The following DDC variants were observed in gnomAD, a reference collection of about 807,000 sequenced individuals.
The protein encoded by DDC is aromatic-L-amino-acid decarboxylase.
In DDC, 43 loss-of-function variants were observed where a neutral mutation model predicts 60.0. The observed-to-expected ratio is 0.72, with a 90% confidence interval of 0.56 to 0.92. The LOEUF (loss-of-function observed/expected upper bound fraction) is 0.92. Ranked by LOEUF, DDC falls within the 40% of genes least tolerant of loss-of-function variation. The pLI, the probability that DDC is intolerant of heterozygous loss-of-function variation, is 0.00. For synonymous variants in DDC, 232 were observed against 234.6 expected (o/e 0.99, Z 0.10); for missense variants, 573 against 620.2 (o/e 0.92, Z 0.81).
At chr7:50,473,147 G>T (rs1027892979) in intron 11 of DDC, among the ~76,000 whole-genome samples, 1 of 152,174 alleles carries the variant, frequency 6.6e-6, no homozygotes, top group Admixed American at 6.5e-5. Flanking sequence ...AGAAGATGCC[G>T]GGAAATACGG....
At chr7:50,555,782 A>C (rs1360073430) in intron 1 of DDC, among the ~76,000 whole-genome samples, 1 of 152,194 alleles carries the variant, frequency 6.6e-6, no homozygotes, top group East Asian at 1.9e-4. Context: ...CGAGGCGCAG[A>C]GAGGCTGCAC....
chr7:50,476,407 G>C (rs1426374191), intron 11 of DDC, among the ~76,000 whole-genome samples: 1 of 152,226 alleles, frequency 6.6e-6, no homozygotes, highest in Non-Finnish European at 1.5e-5. Flanking sequence ...CCAGGGTCCA[G>C]GTTTCCCCCT....
chr7:50,539,756 C>A, intron 3 of DDC, 159 bp downstream of exon 3: 1 of 652,972 alleles, frequency 1.5e-6, no homozygotes, highest in Non-Finnish European at 2.8e-6. Flanking sequence ...CAGAGGCACT[C>A]TCTCTGGGCT....
intron 4 of DDC, chr7:50,532,026 C>A (rs1278339272): frequency 6.6e-6 from 1 of 152,218 alleles, no homozygotes; most frequent in African/African-American, 2.4e-5. Context: ...AGACCATTTT[C>A]CCAGACCACA....
chr7:50,461,023 G>A (rs1234853376), intron 14 of DDC, among the ~76,000 whole-genome samples: 5 of 148,302 alleles, frequency 3.4e-5, no homozygotes, highest in Non-Finnish European at 7.4e-5. Context: ...CCCCCTCTGT[G>A]AGAAACACCC....
intron 9 of DDC, among the ~76,000 whole-genome samples, chr7:50,483,929 G>A (rs997037848): frequency 6.6e-6 from 1 of 151,514 alleles, no homozygotes; most frequent in African/African-American, 2.4e-5. Flanking sequence ...ATAATAATTT[G>A]GGTATTTCTG....
chr7:50,562,171 G>A (rs542639057), intron 1 of DDC, among the ~76,000 whole-genome samples: 9 of 152,336 alleles, frequency 5.9e-5, no homozygotes, highest in South Asian at 4.1e-4. Flanking sequence ...CAGAGGCAGC[G>A]GCCTTCCAGG....
At chr7:50,494,903 T>TC (rs2043093770) in intron 9 of DDC, among the ~76,000 whole-genome samples, 1 of 152,072 alleles carries the variant, frequency 6.6e-6, no homozygotes, top group Non-Finnish European at 1.5e-5. Flanking sequence ...CCTCAGGTGA[T>TC]CCACCCGCCT....
intron 1 of DDC, among the ~76,000 whole-genome samples, chr7:50,560,850 C>T (rs1440117577): frequency 6.6e-6 from 1 of 152,164 alleles, no homozygotes; most frequent in Non-Finnish European, 1.5e-5. Context: ...CACCTGCACA[C>T]ACTGAATGCT....
chr7:50,495,343 A>G lies in DDC; in HGVS notation c.944+7T>C, dbSNP rs1388944209. On this transcript the variant is annotated splice_region_variant and intron_variant, in intron 9 of 14. Coordinates refer to ENST00000444124, the MANE Select transcript of DDC (RefSeq NM_001082971.2). ...GGCAACTGACATCTGTGAGCAGGGAAACTTACCACATGGCAGAACAGTCAA... is the reference window on the plus strand; with the variant it reads ...GGCAACTGACATCTGTGAGCAGGGAGACTTACCACATGGCAGAACAGTCAA... 4 of 1,610,066 alleles carry G rather than the reference A, an allele frequency of 2.5e-6. No individual in the cohort carries two copies. Among genetic ancestry groups the G allele is most frequent in the Non-Finnish European group, 3.4e-6 (4 of 1,176,800 alleles).
At chr7:50,547,824 G>A (rs918724663) in intron 1 of DDC, among the ~76,000 whole-genome samples, 2 of 152,048 alleles carry the variant, frequency 1.3e-5, no homozygotes, top group Non-Finnish European at 1.5e-5. Context: ...TCTTTAACTG[G>A]CAACAAAAAT....
chr7:50,459,300 C>G (rs1204385568), intron 14 of DDC, among the ~76,000 whole-genome samples: 1 of 152,212 alleles, frequency 6.6e-6, no homozygotes, highest in East Asian at 1.9e-4. Flanking sequence ...GTGATCTCGG[C>G]TCGCTACAAC....
intron 14 of DDC, among the ~76,000 whole-genome samples, chr7:50,459,432 G>C (rs1434929394): frequency 6.6e-6 from 1 of 152,030 alleles, no homozygotes; most frequent in Non-Finnish European, 1.5e-5. Context: ...TCTGGGACGT[G>C]AGGAGCCCCT....
intron 11 of DDC, among the ~76,000 whole-genome samples, chr7:50,475,217 G>A (rs888390279): frequency 3.9e-5 from 6 of 152,170 alleles, no homozygotes; most frequent in African/African-American, 1.4e-4. Context: ...AGGCCACAGA[G>A]GCGCGAGGAT....
chr7:50,545,155 C>T (rs908144095), intron 1 of DDC, among the ~76,000 whole-genome samples: 3 of 152,176 alleles, frequency 2.0e-5, no homozygotes, highest in Non-Finnish European at 4.4e-5. Flanking sequence ...TGAGAGCTGA[C>T]GCAAGAAGGT....
At position 50,549,099 on chromosome 7, in the gene DDC, C is replaced by T. The variant is rs1454953099; in HGVS notation, c.-28-4986G>A. ...AGAGACTTCTCAGAAGGAAAGATTC[C>T]TTTCAAAAATATTACTGCTCATTGA... On this transcript the variant is annotated intron_variant, in intron 1 of 14. Coordinates refer to ENST00000444124, the MANE Select transcript of DDC (RefSeq NM_001082971.2). Among the ~76,000 whole-genome samples the T allele has an allele frequency of 1.1e-4, 16 of 152,262 alleles. No individual in the cohort carries two copies. In the East Asian group the frequency reaches 3.1e-3, roughly 29 times the overall value.
At chr7:50,535,902 G>A (rs2044390031) in intron 4 of DDC, among the ~76,000 whole-genome samples, 1 of 152,180 alleles carries the variant, frequency 6.6e-6, no homozygotes, top group South Asian at 2.1e-4. Flanking sequence ...GTCCTTAAAA[G>A]TGGAGACCCA....
At chr7:50,558,781 G>T (rs1315309485) in intron 1 of DDC, among the ~76,000 whole-genome samples, 1 of 152,208 alleles carries the variant, frequency 6.6e-6, no homozygotes, top group African/African-American at 2.4e-5. Context: ...CATGGCCAGA[G>T]ATGAGACCAC....
chr7:50,480,078 A>C (rs2042733166), intron 9 of DDC: 1 of 577,566 alleles, frequency 1.7e-6, no homozygotes, highest in South Asian at 2.0e-5. Context: ...TTCCTGGCAC[A>C]CAGCTCCTAA....
Sources: allele counts gnomAD v4.1 joint callset (sites outside exome capture counted in the v4.1 genomes callset), GRCh38; gene constraint gnomAD v4.1.1; transcripts MANE v1.5; gene names NCBI Gene and HGNC (gene_info 2026-07-23, HGNC 2026-07-21).